Variants in ADAMTSL1 observed in about 807,000 individuals in gnomAD.
The protein encoded by ADAMTSL1 is ADAMTS like 1, also known as ADAMTS-like protein 1.
A neutral mutation model predicts 201.8 loss-of-function variants in ADAMTSL1; 126 were observed. The observed-to-expected ratio is 0.62, with a 90% CI of 0.54 to 0.72. The LOEUF is 0.72. Ranked by LOEUF, ADAMTSL1 falls within the 30% of genes least tolerant of loss-of-function variation. The probability of loss-of-function intolerance (pLI) is 0.00; values close to 1 mark genes in which losing one functional copy is unlikely to be tolerated. For synonymous variants in ADAMTSL1, 1,121 were observed against 903.4 expected, an observed-to-expected ratio of 1.24 and a Z score of -4.32; for missense variants, 2,679 against 2,277.8, an observed-to-expected ratio of 1.18 and a Z score of -3.59.
At chr9:18,781,624 C>G (rs980854639) in intron 19 of ADAMTSL1, among the ~76,000 whole-genome samples, 12 of 152,176 alleles carry the variant, frequency 7.9e-5, no homozygotes, top group Admixed American at 3.9e-4. Context: ...GTCATCATTA[C>G]TATGTCTGGT....
chr9:18,855,395 T>G (rs1241785179), intron 23 of ADAMTSL1, among the ~76,000 whole-genome samples: 1 of 152,132 alleles, frequency 6.6e-6, no homozygotes, highest in Non-Finnish European at 1.5e-5. Flanking sequence ...TTTGAAAAAT[T>G]GTATAGTTTA....
chr9:18,339,718 G>T (rs1835391987), intron 2 of ADAMTSL1, among the ~76,000 whole-genome samples: 1 of 152,062 alleles, frequency 6.6e-6, no homozygotes, highest in African/African-American at 2.4e-5. Context: ...GGGATAACAG[G>T]TCTGAGCCAC....
chr9:18,056,140 T>C (rs1822171854), intron 1 of ADAMTSL1, among the ~76,000 whole-genome samples: 1 of 146,596 alleles, frequency 6.8e-6, no homozygotes, highest in Admixed American at 6.9e-5. Context: ...TGATTTTTTT[T>C]TTCTTTCAGC....
chr9:18,040,403 T>C (rs1276178448), intron 1 of ADAMTSL1, among the ~76,000 whole-genome samples: 2 of 152,202 alleles, frequency 1.3e-5, no homozygotes, highest in Non-Finnish European at 2.9e-5. Context: ...CTTCTGTTCC[T>C]ACTGACTGGT....
At chr9:18,333,970 CT>C (rs1398887451) in intron 2 of ADAMTSL1, among the ~76,000 whole-genome samples, 2 of 152,108 alleles carry the variant, frequency 1.3e-5, no homozygotes, top group Non-Finnish European at 2.9e-5. Flanking sequence ...AATCAACTAG[CT>C]TCACAAGCAA....
chr9:18,408,206 C>T (rs1229648033), intron 2 of ADAMTSL1, among the ~76,000 whole-genome samples: 2 of 152,194 alleles, frequency 1.3e-5, no homozygotes, highest in Non-Finnish European at 2.9e-5. Flanking sequence ...CTGTGGCTGA[C>T]ACCTGCAATC....
At chr9:18,466,983 T>C (rs1821031733) in intron 2 of ADAMTSL1, among the ~76,000 whole-genome samples, 1 of 152,250 alleles carries the variant, frequency 6.6e-6, no homozygotes, top group African/African-American at 2.4e-5. Flanking sequence ...GTAATTCTCC[T>C]ATTTGCTTTT....
chr9:18,074,828 T>A (rs188260982), intron 1 of ADAMTSL1, among the ~76,000 whole-genome samples: 2 of 152,226 alleles, frequency 1.3e-5, no homozygotes, highest in East Asian at 3.9e-4. Flanking sequence ...TAACCTCAGG[T>A]GATCCACCTG....
chr9:18,149,993 C>G (rs887908419), intron 1 of ADAMTSL1, among the ~76,000 whole-genome samples: 28 of 151,974 alleles, frequency 1.8e-4, no homozygotes, highest in African/African-American at 6.5e-4. Context: ...TTTGTAGAAG[C>G]AAGAACACAT....
chr9:18,092,859 C>G (rs1295803383), intron 1 of ADAMTSL1, among the ~76,000 whole-genome samples: 1 of 152,128 alleles, frequency 6.6e-6, no homozygotes, highest in East Asian at 1.9e-4. Context: ...ATTTCATGAC[C>G]TGTTGACATA....
At chr9:18,128,059 G>A (rs1434348580) in intron 1 of ADAMTSL1, among the ~76,000 whole-genome samples, 2 of 152,050 alleles carry the variant, frequency 1.3e-5, no homozygotes, top group African/African-American at 2.4e-5. Context: ...GTAAATTTTT[G>A]TCTAACAAAT....
chr9:18,695,882 A>C (rs996963153), intron 13 of ADAMTSL1, among the ~76,000 whole-genome samples: 1 of 152,262 alleles, frequency 6.6e-6, no homozygotes, highest in Non-Finnish European at 1.5e-5. Flanking sequence ...TTCTTTAAAA[A>C]GAGGTTTAAT....
At chr9:18,188,682 G>T (rs1314979057) in intron 2 of ADAMTSL1, among the ~76,000 whole-genome samples, 2 of 152,162 alleles carry the variant, frequency 1.3e-5, no homozygotes, top group Non-Finnish European at 2.9e-5. Context: ...AACTGCCGGG[G>T]ATATTAGAAA....
chr9:18,189,141 A>G (rs547752247), intron 2 of ADAMTSL1, among the ~76,000 whole-genome samples: 2 of 152,236 alleles, frequency 1.3e-5, no homozygotes, highest in East Asian at 3.9e-4. Context: ...GTTAAGAGGA[A>G]GGAATTAGTT....
chr9:18,093,289 C>G (rs184679001), intron 1 of ADAMTSL1, among the ~76,000 whole-genome samples: 2 of 152,154 alleles, frequency 1.3e-5, no homozygotes, highest in Admixed American at 6.5e-5. Flanking sequence ...ATTCTTAGCC[C>G]TGTATTTTCT....
At chr9:18,596,308 G>A (rs1425339820) in intron 4 of ADAMTSL1, among the ~76,000 whole-genome samples, 1 of 152,156 alleles carries the variant, frequency 6.6e-6, no homozygotes, top group Non-Finnish European at 1.5e-5. Context: ...GCAGTACGTG[G>A]TGTGGGCTTT....
intron 2 of ADAMTSL1, among the ~76,000 whole-genome samples, chr9:18,257,700 C>T (rs767334982): frequency 1.3e-5 from 2 of 152,040 alleles, no homozygotes; most frequent in Non-Finnish European, 2.9e-5. Context: ...CCCAAAGAAC[C>T]GAAAGCACAC....
intron 2 of ADAMTSL1, among the ~76,000 whole-genome samples, chr9:18,328,343 G>A (rs7874958): frequency 0.12 from 18,454 of 152,118 alleles, 2,912 homozygotes; most frequent in African/African-American, 0.37. Context: ...TTATTTTCCT[G>A]TTTGTCTCTT....
At chr9:18,587,293 A>G (rs1343187746) in intron 4 of ADAMTSL1, among the ~76,000 whole-genome samples, 2 of 152,202 alleles carry the variant, frequency 1.3e-5, no homozygotes, top group African/African-American at 4.8e-5. Flanking sequence ...AAGTGAGTAA[A>G]GGGCATGAAC....
Sources: gnomAD v4.1 joint callset for allele counts (sites outside exome capture counted in the v4.1 genomes callset) on GRCh38, gnomAD v4.1.1 for gene constraint, MANE v1.5 for transcripts, NCBI Gene and HGNC (gene_info 2026-07-23, HGNC 2026-07-21) for gene names.